CATSPERE: variants seen among roughly 807,000 people sequenced by gnomAD.
The protein encoded by CATSPERE is cation channel sperm-associated auxiliary subunit epsilon.
Under a neutral mutation model 114.1 loss-of-function variants are expected in CATSPERE, and 93 were observed. That is an observed-to-expected ratio of 0.81 (90% CI 0.69 to 0.97). CATSPERE has a LOEUF of 0.97. Ranked by LOEUF, CATSPERE falls within the 50% of genes least tolerant of loss-of-function variation. CATSPERE has a pLI of 0.00. For missense variants in CATSPERE, 1,058 were observed against 1,131.6 expected (o/e 0.93, Z 0.93); for synonymous variants, 341 against 384.1 (o/e 0.89, Z 1.31).
intron 10 of CATSPERE, among the ~76,000 whole-genome samples, chr1:244,567,063 T>G (rs1305054706): frequency 6.6e-6 from 1 of 152,204 alleles, no homozygotes; most frequent in East Asian, 1.9e-4. Flanking sequence ...TCTCTCAGCA[T>G]TTGCTTGTCT....
intron 11 of CATSPERE, among the ~76,000 whole-genome samples, chr1:244,578,823 C>CGT (rs1665705195): frequency 7.5e-6 from 1 of 133,018 alleles, no homozygotes; most frequent in Non-Finnish European, 1.6e-5. Flanking sequence ...GGTGCATATA[C>CGT]ATATATATAT....
At chr1:244,536,819 G>T (rs1377331361) in intron 8 of CATSPERE, among the ~76,000 whole-genome samples, 1 of 152,190 alleles carries the variant, frequency 6.6e-6, no homozygotes, top group Admixed American at 6.5e-5. Flanking sequence ...ATTGGTGGAG[G>T]CTTCTATTCA....
At chr1:244,612,264 TAACTC>T (rs906262448) in intron 19 of CATSPERE, among the ~76,000 whole-genome samples, 12 of 152,186 alleles carry the variant, frequency 7.9e-5, no homozygotes, top group African/African-American at 2.9e-4. Context: ...CGTTGTATCT[TAACTC>T]AACAGGGCAA....
chr1:244,490,681 C>A (rs991997999), intron 6 of CATSPERE, among the ~76,000 whole-genome samples: 25 of 152,008 alleles, frequency 1.6e-4, no homozygotes, highest in Admixed American at 8.5e-4. Context: ...GATCTTCCCC[C>A]CTTTTACTTC....
chr1:244,583,765 C>T, intron 12 of CATSPERE, 99 bp from the exon 13 acceptor site: 1 of 1,057,434 alleles, frequency 9.5e-7, no homozygotes, highest in Non-Finnish European at 1.4e-6. Flanking sequence ...GGAGGTCAAT[C>T]ACACCGTGCA....
At chr1:244,506,544 C>T (rs1010621350) in intron 7 of CATSPERE, among the ~76,000 whole-genome samples, 1 of 152,130 alleles carries the variant, frequency 6.6e-6, no homozygotes, top group African/African-American at 2.4e-5. Context: ...CCTCTACAGC[C>T]TCACTAACAC....
chr1:244,563,198 T>G (rs1474634635), intron 10 of CATSPERE, among the ~76,000 whole-genome samples: 1 of 152,252 alleles, frequency 6.6e-6, no homozygotes, highest in Admixed American at 6.5e-5. Context: ...AAGTATTTGC[T>G]ATTGTGAACT....
At chr1:244,545,391 G>C (rs1659585003) in intron 8 of CATSPERE, among the ~76,000 whole-genome samples, 1 of 152,200 alleles carries the variant, frequency 6.6e-6, no homozygotes, top group Non-Finnish European at 1.5e-5. Context: ...AAAAAGCTGT[G>C]AGTTTTCAGT....
At chr1:244,524,543 G>T (rs1049493267) in intron 8 of CATSPERE, among the ~76,000 whole-genome samples, 1 of 147,520 alleles carries the variant, frequency 6.8e-6, no homozygotes, top group Non-Finnish European at 1.5e-5. Context: ...CCATCAGAGC[G>T]AACAGGCCAC....
intron 1 of CATSPERE, among the ~76,000 whole-genome samples, chr1:244,461,917 G>C (rs1666881019): frequency 6.6e-6 from 1 of 152,052 alleles, no homozygotes; most frequent in African/African-American, 2.4e-5. Flanking sequence ...GGGCCCAAGC[G>C]CTCCTCGCAC....
chr1:244,545,747 C>G (rs545041474), intron 8 of CATSPERE, among the ~76,000 whole-genome samples: 2 of 152,186 alleles, frequency 1.3e-5, no homozygotes, highest in African/African-American at 2.4e-5. Context: ...GTTGGACATG[C>G]ACAGCAACAC....
At chr1:244,576,480 C>T (rs1375501988) in intron 11 of CATSPERE, among the ~76,000 whole-genome samples, 5 of 148,272 alleles carry the variant, frequency 3.4e-5, no homozygotes, top group South Asian at 2.2e-4. Context: ...GCTCCATCTG[C>T]GAGGAGCATC....
At chr1:244,505,825 T>C (rs1024388921) in intron 7 of CATSPERE, among the ~76,000 whole-genome samples, 2 of 151,824 alleles carry the variant, frequency 1.3e-5, no homozygotes, top group African/African-American at 2.4e-5. Flanking sequence ...GCTAACACAG[T>C]GAAAGCCCAT....
At chr1:244,451,880 C>A (rs1420102378), upstream of CATSPERE, 1 of 1,440,580 alleles carries the variant, frequency 6.9e-7, no homozygotes, top group Non-Finnish European at 9.2e-7. This position sits in a 1 kb window ranked among gnomAD's most constrained non-coding sequence, Gnocchi z 6.6. Context: ...GCGAACTGAA[C>A]TGCTCTGCGG....
chr1:244,620,222 T>C lies in CATSPERE; in HGVS notation c.2648+2536T>C, dbSNP rs146433826. 9.5e-3 allele frequency among the ~76,000 whole-genome samples: 1,446 copies of C among 152,348 alleles called. 6 individuals carry two copies. Among genetic ancestry groups the C allele is most frequent in the Middle Eastern group, 0.037 (11 of 294 alleles). The stretch of plus-strand genomic sequence containing the variant: ...GTAGTTCCACCAACATTTCAACAGA[T>C]CGCTGTTTCTTTCATTTTGTCCCAG... On this transcript the variant is annotated intron_variant, in intron 20 of 21. Transcript: ENST00000366534.
At chr1:244,451,962 C>A, upstream of CATSPERE, 1 of 787,786 alleles carries the variant, frequency 1.3e-6, no homozygotes, top group East Asian at 3.1e-5. The surrounding 1 kb of genome is among the most constrained non-coding windows in gnomAD (Gnocchi z 6.6). Context: ...CCGCCACCCT[C>A]CAGCCAGTCC....
rs1558303702 is a variant in CATSPERE, at chr1:244,463,956, TG to T, written c.114+1del. The T allele has an allele frequency of 1.9e-6, 3 of 1,594,380 alleles. No homozygotes were observed. The African/African-American group carries it at 4.0e-5, about 21-fold the overall frequency. ...ATCGCATTTTTAGTACCAGAAGTAC[TG>T]TAAGTGTTGAATTTTTAATAAACTA... On this transcript the variant is annotated splice_donor_variant, in intron 2 of 21. Coordinates refer to ENST00000366534, the MANE Select transcript of CATSPERE (RefSeq NM_001130957.2). LOFTEE classifies it high-confidence loss of function.
chr1:244,505,738 G>A (rs1674715945), intron 7 of CATSPERE, among the ~76,000 whole-genome samples: 1 of 152,138 alleles, frequency 6.6e-6, no homozygotes, highest in Non-Finnish European at 1.5e-5. Flanking sequence ...TGGGCGTGGT[G>A]GCTCATGCCT....
Position 244,552,677 on chromosome 1 carries a change from G to A in CATSPERE, c.892G>A (p.Val298Ile), listed in dbSNP as rs767742056. 1.2e-5 allele frequency: 20 copies of A among 1,614,024 alleles called. No individual in the cohort carries two copies. Among genetic ancestry groups the A allele is most frequent in the Non-Finnish European group, 1.0e-5 (12 of 1,180,008 alleles). Residue 298 changes from valine to isoleucine, a missense_variant, in exon 9 of 22, where the codon GTT (valine) becomes ATT (isoleucine). Physicochemically the swap from Val to Ile is conservative, Grantham distance 29. This residue lies in a region of CATSPERE where 787 missense variants were observed against 905.6 expected (regional missense o/e 0.87). Coordinates refer to ENST00000366534, the MANE Select transcript of CATSPERE (RefSeq NM_001130957.2). ...TGTGATCTTATCGCGGGATGGAATC[G>A]TTTTTCTTATAAATGGTGTTCTTTA... is the stretch of plus-strand genomic sequence containing the variant. ...AHVILSRDGI[V>I]FLINGVLYIK... is the part of the protein sequence containing the mutation.
Sources: allele counts gnomAD v4.1 joint callset (sites outside exome capture counted in the v4.1 genomes callset), GRCh38; gene constraint gnomAD v4.1.1; regional missense constraint gnomAD v4.1.1; non-coding constraint Gnocchi (gnomAD v3.1); transcripts MANE v1.5; gene names NCBI Gene and HGNC (gene_info 2026-07-23, HGNC 2026-07-21).